The following TTC7B variants were observed in gnomAD, a reference collection of about 807,000 sequenced individuals.
TTC7B encodes the protein tetratricopeptide repeat protein 7B.
TTC7B carries 28 observed loss-of-function variants against 106.8 expected under a neutral mutation model. The ratio of observed to expected loss-of-function variants is 0.26; its 90% CI spans 0.19 to 0.36. The LOEUF is 0.36. Among genes scored for constraint, TTC7B ranks in the 10% least tolerant of loss-of-function variants. The pLI is 1.00. For missense variants in TTC7B, 862 were observed against 1,076.4 expected, an observed-to-expected ratio of 0.80 and a Z score of 2.79; for synonymous variants, 405 against 430.6, an observed-to-expected ratio of 0.94 and a Z score of 0.74.
At chr14:90,614,575 A>G (rs1326695385) in intron 16 of TTC7B, among the ~76,000 whole-genome samples, 1 of 152,278 alleles carries the variant, frequency 6.6e-6, no homozygotes, top group Non-Finnish European at 1.5e-5. Context: ...TCAGCTCAAG[A>G]GAGGCAGCAT....
At chr14:90,806,366 G>C in intron 1 of TTC7B, among the ~76,000 whole-genome samples, 1 of 152,218 alleles carries the variant, frequency 6.6e-6, no homozygotes. Context: ...CTTCAGCTTT[G>C]GGCCTGAGTC....
intron 5 of TTC7B, among the ~76,000 whole-genome samples, chr14:90,702,218 T>G (rs901733003): frequency 1.3e-5 from 2 of 152,202 alleles, no homozygotes; most frequent in African/African-American, 4.8e-5. Context: ...AAATAACAAC[T>G]GTACCCACCT....
intron 19 of TTC7B, among the ~76,000 whole-genome samples, chr14:90,559,154 C>G (rs1233312319): frequency 1.3e-5 from 2 of 152,210 alleles, no homozygotes; most frequent in Non-Finnish European, 2.9e-5. Flanking sequence ...CGGGCAAACG[C>G]GGAGCTTGGA....
intron 5 of TTC7B, among the ~76,000 whole-genome samples, chr14:90,725,722 C>G (rs1010589071): frequency 6.6e-6 from 1 of 152,172 alleles, no homozygotes; most frequent in Non-Finnish European, 1.5e-5. Context: ...GGTACAACCC[C>G]ATGGGTGCAT....
intron 19 of TTC7B, among the ~76,000 whole-genome samples, chr14:90,555,071 C>CAGAACCTA (rs1372563394): frequency 8.5e-5 from 13 of 152,290 alleles, no homozygotes; most frequent in East Asian, 1.9e-4. Context: ...CGTCAGGTGT[C>CAGAACCTA]AGAACCTAGG....
intron 18 of TTC7B, among the ~76,000 whole-genome samples, chr14:90,592,178 G>A (rs1037733142): frequency 6.6e-6 from 1 of 152,032 alleles, no homozygotes; most frequent in Non-Finnish European, 1.5e-5. Context: ...ATTAGCCTTG[G>A]CAAAAAAGGA....
chr14:90,703,075 G>A (rs12590470), intron 5 of TTC7B, among the ~76,000 whole-genome samples: 26,083 of 152,082 alleles, frequency 0.17, 2,354 homozygotes, highest in East Asian at 0.31. Context: ...AGGAAAGCTC[G>A]CCACTTCCAC....
rs1889507950 is a variant in TTC7B, at chr14:90,539,628, T to A, written c.*1740A>T. On this transcript the variant is annotated 3_prime_UTR_variant, in exon 20 of 20. Transcript: ENST00000328459. ...GAGGTCGTGCCCAGTTTGAATGCAG[T>A]CCTCTAGGCTTCAGGGCACCTAAGT... is the stretch of plus-strand genomic sequence containing the variant. 3 of 152,256 alleles carry A rather than the reference T, an allele frequency of 2.0e-5. No individual in the cohort carries two copies. The highest frequency in any genetic ancestry group is 2.0e-4 in the Admixed American group (3 of 15,286). The allele number at this position is 152,256 out of a possible 1,614,324, so 9.4% of individuals were successfully genotyped here.
At chr14:90,761,165 C>T (rs961732077) in intron 3 of TTC7B, among the ~76,000 whole-genome samples, 3 of 121,394 alleles carry the variant, frequency 2.5e-5, no homozygotes, top group African/African-American at 1.5e-4. Context: ...CCCCAAAACT[C>T]AACTGCCAAT....
intron 11 of TTC7B, among the ~76,000 whole-genome samples, chr14:90,655,763 A>C (rs1325318251): frequency 1.3e-5 from 2 of 152,192 alleles, no homozygotes; most frequent in Non-Finnish European, 2.9e-5. Context: ...GTTGGGTGAT[A>C]AGACACTGGA....
intron 3 of TTC7B, among the ~76,000 whole-genome samples, chr14:90,751,831 T>G (rs1341413174): frequency 2.0e-5 from 3 of 152,222 alleles, no homozygotes; most frequent in Non-Finnish European, 2.9e-5. Flanking sequence ...ATAGGTACTA[T>G]TCTCCTCTCT....
chr14:90,732,908 G>A (rs898308820), intron 4 of TTC7B, among the ~76,000 whole-genome samples: 7 of 151,856 alleles, frequency 4.6e-5, no homozygotes, highest in African/African-American at 7.3e-5. Flanking sequence ...TCTAACAATC[G>A]GCATTAAGGA....
Position 90,678,806 on chromosome 14 carries a change from A to G in TTC7B, c.1014+1666T>C, listed in dbSNP as rs140239249. On this transcript the variant is annotated intron_variant, in intron 8 of 19. Coordinates refer to ENST00000328459, the MANE Select transcript of TTC7B (RefSeq NM_001010854.2). The stretch of plus-strand genomic sequence containing the variant: ...GTGCAAGCATTTTAGAGAGGTGGCC[A>G]TGTTTTCCAAATTGCAGACTGGAAC... Among the ~76,000 whole-genome samples the G allele has an allele frequency of 1.2e-3, 179 of 152,368 alleles. 1 individual carries two copies. The highest frequency in any genetic ancestry group is 4.2e-3 in the African/African-American group (174 of 41,586).
intron 4 of TTC7B, among the ~76,000 whole-genome samples, chr14:90,731,023 G>A (rs954554679): frequency 2.6e-5 from 4 of 152,136 alleles, no homozygotes; most frequent in African/African-American, 9.7e-5. Flanking sequence ...TCAGCTCACT[G>A]CACGCTCCGC....
Position 90,603,379 on chromosome 14 carries a change from A to G in TTC7B, c.1966+7363T>C. 16 of 1,043,668 alleles carry G rather than the reference A, an allele frequency of 1.5e-5. No homozygotes were observed. The South Asian group carries it at 2.0e-4, about 13-fold the overall frequency. The allele number at this position is 1,043,668 out of a possible 1,614,324, so 64.7% of individuals were successfully genotyped here. ...GAAAAATCAAAATTAAGACTAAAAA[A>G]GCGAACAGAGTTCTAATAACCTTCC... is the stretch of plus-strand genomic sequence containing the variant. On this transcript the variant is annotated intron_variant, in intron 17 of 19. Transcript: ENST00000328459.
At position 90,577,289 on chromosome 14, in the gene TTC7B, A is replaced by G. The variant is rs567096735; in HGVS notation, c.2310+817T>C. Reference sequence around the variant, plus strand: ...AGACCCTGGTAACTTGTGAGTTTCAATTCAGACCCTCGCAGGAAGATGACA... The same window carrying G: ...AGACCCTGGTAACTTGTGAGTTTCAGTTCAGACCCTCGCAGGAAGATGACA... On this transcript the variant is annotated intron_variant, in intron 19 of 19. Transcript: ENST00000328459. The surrounding 1 kb of genome is among the most constrained non-coding windows in gnomAD (Gnocchi z 5.0). Among the ~76,000 whole-genome samples the G allele has an allele frequency of 1.0e-3, 156 of 152,328 alleles. 1 individual carries two copies. The highest frequency in any genetic ancestry group is 3.6e-3 in the African/African-American group (151 of 41,578).
chr14:90,692,297 C>G (rs1259633076), intron 6 of TTC7B, among the ~76,000 whole-genome samples: 1 of 152,096 alleles, frequency 6.6e-6, no homozygotes, highest in African/African-American at 2.4e-5. Context: ...CTGCAGAACA[C>G]CTGTTTTTAA....
At chr14:90,801,543 T>C (rs1454918064) in intron 1 of TTC7B, among the ~76,000 whole-genome samples, 1 of 152,028 alleles carries the variant, frequency 6.6e-6, no homozygotes, top group Non-Finnish European at 1.5e-5. Flanking sequence ...AGTGGAGCCA[T>C]TTTACCATTT....
At chr14:90,793,298 C>T (rs1273135320) in intron 1 of TTC7B, among the ~76,000 whole-genome samples, 3 of 150,372 alleles carry the variant, frequency 2.0e-5, no homozygotes, top group African/African-American at 4.9e-5. Context: ...CCAAGGTGGG[C>T]GGATCACCTG....
Sources: allele counts gnomAD v4.1 joint callset (sites outside exome capture counted in the v4.1 genomes callset), GRCh38; gene constraint gnomAD v4.1.1; non-coding constraint Gnocchi (gnomAD v3.1); transcripts MANE v1.5; gene names NCBI Gene and HGNC (gene_info 2026-07-23, HGNC 2026-07-21).